The following DHX8 variants were observed in gnomAD, a reference collection of about 807,000 sequenced individuals.
The protein encoded by DHX8 is DEAH-box helicase 8.
DHX8 carries 67 observed loss-of-function variants against 140.7 expected under a neutral mutation model. The observed-to-expected ratio is 0.48, with a 90% confidence interval of 0.39 to 0.58. The LOEUF (loss-of-function observed/expected upper bound fraction) is 0.58, where lower values mean the gene tolerates loss of function less well. Ranked by LOEUF, DHX8 falls within the 20% of genes least tolerant of loss-of-function variation. The probability of loss-of-function intolerance (pLI) is 0.00; values close to 1 mark genes in which losing one functional copy is unlikely to be tolerated. For synonymous variants in DHX8, 533 were observed against 553.2 expected (o/e 0.96, Z 0.51); for missense variants, 887 against 1,550.7 (o/e 0.57, Z 7.19).
At chr17:43,493,960 C>A in intron 8 of DHX8, 74 bp downstream of exon 8, 1 of 1,498,762 alleles carries the variant, frequency 6.7e-7, no homozygotes, top group Non-Finnish European at 9.2e-7. Flanking sequence ...TGCCCTGGAG[C>A]ACGATGGCCT....
At chr17:43,537,605 A>G (rs1288696545) in intron 3 of DHX8, among the ~76,000 whole-genome samples, 1 of 151,720 alleles carries the variant, frequency 6.6e-6, no homozygotes, top group Non-Finnish European at 1.5e-5. Context: ...CTGAGGCAGG[A>G]GAATTGCTTG....
At chr17:43,507,383 CT>C in intron 13 of DHX8, 119 bp from the exon 14 acceptor site, 1 of 1,121,222 alleles carries the variant, frequency 8.9e-7, no homozygotes, top group Non-Finnish European at 1.3e-6. Context: ...GAGGAAATTA[CT>C]GTACATCTTG....
intron 14 of DHX8, 28 bp downstream of exon 14, chr17:43,507,716 C>G: frequency 3.1e-6 from 5 of 1,612,858 alleles, no homozygotes; most frequent in South Asian, 1.1e-5. Context: ...AATGACCCCT[C>G]TACCTGTTGG....
At chr17:43,544,512 G>T, downstream of DHX8, 1 of 158,546 alleles carries the variant, frequency 6.3e-6, no homozygotes, top group South Asian at 1.8e-4. Flanking sequence ...TGGGGGTTGG[G>T]AAGAAGAGAA....
chr17:43,484,409 G>A (rs1247404011), intron 1 of DHX8, among the ~76,000 whole-genome samples: 1 of 152,050 alleles, frequency 6.6e-6, no homozygotes, highest in African/African-American at 2.4e-5. Flanking sequence ...AGCCCGGGGC[G>A]GTCATCTCTG....
At chr17:43,495,307 C>G (rs1968791605) in intron 8 of DHX8, among the ~76,000 whole-genome samples, 1 of 152,180 alleles carries the variant, frequency 6.6e-6, no homozygotes, top group African/African-American at 2.4e-5. Flanking sequence ...CAAGTTCTTA[C>G]TTGCACTATT....
chr17:43,498,853 G>T lies in DHX8; in HGVS notation c.1301-9G>T, dbSNP rs545087932. 2.5e-5 allele frequency: 39 copies of T among 1,586,644 alleles called. No individual in the cohort carries two copies. In the South Asian group the frequency reaches 4.2e-4, roughly 17 times the overall value. ...TTATGGCTAATTCTTCTTTTGGGGG[G>T]ACTTTTAGATGAGGACCTTGAGATT... On this transcript the variant is annotated splice_polypyrimidine_tract_variant and intron_variant, in intron 9 of 22. Coordinates refer to ENST00000262415, the MANE Select transcript of DHX8 (RefSeq NM_004941.3).
In DHX8 at chr17:43,532,525, A is replaced by T. The variant is rs1459931984; in HGVS notation, c.351-3887A>T. On this transcript the variant is annotated intron_variant, in intron 2 of 3. Transcript: ENST00000589898. ...AAAAAAAAGAAAAAGAAAGAAAAATAACATTCTTTTGAAATTATGAAGAAA... is the reference window on the plus strand; with the variant it reads ...AAAAAAAAGAAAAAGAAAGAAAAATTACATTCTTTTGAAATTATGAAGAAA... The T allele has an allele frequency of 2.1e-5, 16 of 758,150 alleles. No individual in the cohort carries two copies. The South Asian group carries it at 3.2e-4, about 15-fold the overall frequency. 47.0% of individuals were successfully genotyped at this position (758,150 alleles called of 1,614,324 possible).
intron 1 of DHX8, 144 bp from the exon 2 acceptor site, chr17:43,489,305 A>G: frequency 1.7e-6 from 1 of 601,628 alleles, no homozygotes; most frequent in South Asian, 2.1e-5. Flanking sequence ...ACACCTGGCC[A>G]GATTTTCTCT....
downstream of DHX8, among the ~76,000 whole-genome samples, chr17:43,530,816 C>G (rs1405041812): frequency 6.6e-6 from 1 of 152,112 alleles, no homozygotes; most frequent in Non-Finnish European, 1.5e-5. Context: ...GTTCCAACCC[C>G]TTCCCGCCCT....
chr17:43,508,616 G>GTA, intron 16 of DHX8, 96 bp downstream of exon 16: 4 of 633,072 alleles, frequency 6.3e-6, no homozygotes, highest in Non-Finnish European at 1.0e-5. Context: ...GTGTATGCAA[G>GTA]TCTTTTTTTT....
downstream of DHX8, chr17:43,529,653 C>A (rs761010166): frequency 6.2e-7 from 1 of 1,612,948 alleles, no homozygotes; most frequent in Admixed American, 1.7e-5. Flanking sequence ...CGAAATGCAC[C>A]GACCCCTTCC....
intron 9 of DHX8, among the ~76,000 whole-genome samples, chr17:43,498,144 T>G (rs887365225): frequency 1.3e-5 from 2 of 151,790 alleles, no homozygotes; most frequent in Admixed American, 6.6e-5. Context: ...GAAGGTGTTT[T>G]TTTTTTTTTT....
chr17:43,489,337 G>T (rs545735297), intron 1 of DHX8, 112 bp from the exon 2 acceptor site: 9 of 713,444 alleles, frequency 1.3e-5, no homozygotes, highest in African/African-American at 1.3e-4. Flanking sequence ...CCAGATGGTG[G>T]TCTTTGTTTT....
Position 43,500,121 on chromosome 17 carries a change from G to A in DHX8, c.1546+18G>A, listed in dbSNP as rs772684874. ...GCCTGATGGTAGGACCCTTGGAGGG[G>A]TGTATGGACCTTGTTTAAAAATCTG... On this transcript the variant is annotated intron_variant, in intron 11 of 22. Coordinates refer to ENST00000262415, the MANE Select transcript of DHX8 (RefSeq NM_004941.3). 1.2e-6 allele frequency: 2 copies of A among 1,609,884 alleles called. No individual in the cohort carries two copies. Among genetic ancestry groups the A allele is most frequent in the African/African-American group, 2.7e-5 (2 of 74,774 alleles).
chr17:43,506,706 C>T (rs1969513071), intron 12 of DHX8, among the ~76,000 whole-genome samples: 2 of 151,590 alleles, frequency 1.3e-5, no homozygotes, highest in South Asian at 4.2e-4. Flanking sequence ...ATAGAAACAT[C>T]GTTGATTGTA....
chr17:43,502,371 A>G (rs1969243268), intron 11 of DHX8, among the ~76,000 whole-genome samples: 1 of 152,142 alleles, frequency 6.6e-6, no homozygotes, highest in Non-Finnish European at 1.5e-5. Flanking sequence ...TGGGCAACAT[A>G]GTAAGACCTT....
In DHX8 at chr17:43,511,456, A is replaced by ATTTTTTT. The variant is rs71160045; in HGVS notation, c.2503-1893_2503-1887dup. Among the ~76,000 whole-genome samples, 3 of 56,782 alleles carry ATTTTTTT rather than the reference A, an allele frequency of 5.3e-5. 1 individual carries two copies. The highest frequency in any genetic ancestry group is 8.5e-4 in the South Asian group (1 of 1,178). The allele number at this position is 56,782 out of a possible 152,430, so 37.3% of individuals were successfully genotyped here. A position where few individuals can be genotyped will look rare whatever the true frequency, so the allele number is the denominator to read the frequency against. On this transcript the variant is annotated intron_variant, in intron 16 of 22. Transcript: ENST00000262415. Reference sequence around the variant, plus strand: ...AGTGGCTTATGCCTGTGATCCCAGCATTTTTTTTTTTTTTTTTTTGAGACA... The same window carrying ATTTTTTT: ...AGTGGCTTATGCCTGTGATCCCAGCATTTTTTTTTTTTTTTTTTTTTTTTTTGAGACA...
chr17:43,512,574 G>C (rs1010604487), intron 16 of DHX8, among the ~76,000 whole-genome samples: 5 of 152,122 alleles, frequency 3.3e-5, no homozygotes, highest in Non-Finnish European at 7.4e-5. Context: ...GGCTTGAGTG[G>C]AAAGATGGTG....
Sources: gnomAD v4.1 joint callset for allele counts (sites outside exome capture counted in the v4.1 genomes callset) on GRCh38, gnomAD v4.1.1 for gene constraint, MANE v1.5 for transcripts, NCBI Gene and HGNC (gene_info 2026-07-23, HGNC 2026-07-21) for gene names.